Variants in CRPPA observed in about 807,000 individuals in gnomAD.
CRPPA encodes the protein CDP-L-ribitol pyrophosphorylase A.
A neutral mutation model predicts 52.0 loss-of-function variants in CRPPA; 43 were observed. The ratio of observed to expected loss-of-function variants is 0.83; its 90% CI spans 0.65 to 1.07. The LOEUF is 1.07. Ranked by LOEUF, CRPPA falls within the 50% of genes least tolerant of loss-of-function variation. The pLI, the probability that CRPPA is intolerant of heterozygous loss-of-function variation, is 0.00. For missense variants in CRPPA, 629 were observed against 551.7 expected, an observed-to-expected ratio of 1.14 and a Z score of -1.40; for synonymous variants, 250 against 203.5, an observed-to-expected ratio of 1.23 and a Z score of -1.94.
intron 3 of CRPPA, among the ~76,000 whole-genome samples, chr7:16,338,277 A>C (rs1361280848): frequency 3.3e-5 from 5 of 152,264 alleles, no homozygotes; most frequent in African/African-American, 7.2e-5. Context: ...CATTAACAAA[A>C]TGAAGGATAA....
At chr7:16,129,917 AC>A (rs1255622971) in intron 9 of CRPPA, among the ~76,000 whole-genome samples, 1 of 152,174 alleles carries the variant, frequency 6.6e-6, no homozygotes, top group East Asian at 1.9e-4. Flanking sequence ...TGACACATAA[AC>A]ATTCCAACTC....
chr7:16,388,680 G>C (rs1319924731), intron 2 of CRPPA, among the ~76,000 whole-genome samples: 1 of 152,130 alleles, frequency 6.6e-6, no homozygotes, highest in Non-Finnish European at 1.5e-5. Context: ...TTTGAGACCA[G>C]CCTGGCCAAC....
At chr7:16,146,933 A>G (rs529046433) in intron 9 of CRPPA, among the ~76,000 whole-genome samples, 1 of 152,348 alleles carries the variant, frequency 6.6e-6, no homozygotes, top group South Asian at 2.1e-4. Context: ...CTTTAAGTGT[A>G]AAGAGATTAA....
At chr7:16,245,029 T>A (rs1783231221) in intron 8 of CRPPA, among the ~76,000 whole-genome samples, 2 of 151,772 alleles carry the variant, frequency 1.3e-5, no homozygotes, top group South Asian at 4.2e-4. Context: ...TAAAGTTTTT[T>A]AACAAAAGTC....
intron 4 of CRPPA, among the ~76,000 whole-genome samples, chr7:16,307,350 T>C (rs1371042076): frequency 6.6e-6 from 1 of 152,096 alleles, no homozygotes; most frequent in Non-Finnish European, 1.5e-5. Context: ...AGTATGATAG[T>C]GCCATTATCT....
intron 6 of CRPPA, among the ~76,000 whole-genome samples, chr7:16,263,349 C>T (rs6968497): frequency 0.035 from 5,370 of 152,210 alleles, 335 homozygotes; most frequent in African/African-American, 0.12. Context: ...TGGGCTCATT[C>T]ATACCTATGA....
intron 9 of CRPPA, among the ~76,000 whole-genome samples, chr7:16,203,719 C>T (rs561564209): frequency 6.6e-6 from 1 of 152,128 alleles, no homozygotes; most frequent in African/African-American, 2.4e-5. Flanking sequence ...ATTTTTAAAC[C>T]ACTCTGTGTT....
rs191814832 is a variant in CRPPA at position 16,299,307 on chromosome 7, G to A, written c.835+2114C>T. Among the ~76,000 whole-genome samples the A allele has an allele frequency of 7.4e-3, 1,134 of 152,232 alleles. 3 individuals are homozygous for A. Among genetic ancestry groups the A allele is most frequent in the Non-Finnish European group, 0.012 (813 of 68,002 alleles). The stretch of plus-strand genomic sequence containing the variant: ...GGGGTAATCTCAGGTGAGCAAACAA[G>A]CATTTGCAGCTGGGAGAGCATCGTA... On this transcript the variant is annotated intron_variant, in intron 5 of 9. Coordinates refer to ENST00000407010, the MANE Select transcript of CRPPA (RefSeq NM_001101426.4).
At chr7:16,137,121 C>A (rs926583607) in intron 9 of CRPPA, among the ~76,000 whole-genome samples, 2 of 152,232 alleles carry the variant, frequency 1.3e-5, no homozygotes, top group Non-Finnish European at 2.9e-5. Flanking sequence ...CCCCCAGAGG[C>A]AGGACCTTTG....
At chr7:16,116,686 G>GGGAAGGGAAGGGAAAGGAAAC in intron 9 of CRPPA, among the ~76,000 whole-genome samples, 1 of 149,062 alleles carries the variant, frequency 6.7e-6, no homozygotes, top group Non-Finnish European at 1.5e-5. Context: ...GGAAAGGAAA[G>GGGAAGGGAAGGGAAAGGAAAC]GGAAGGGAAA....
At chr7:16,279,109 A>C (rs1290740049) in intron 5 of CRPPA, among the ~76,000 whole-genome samples, 1 of 152,208 alleles carries the variant, frequency 6.6e-6, no homozygotes, top group Non-Finnish European at 1.5e-5. Flanking sequence ...TATCATGGAT[A>C]AAGAAAACAA....
intron 9 of CRPPA, among the ~76,000 whole-genome samples, chr7:16,183,460 C>G (rs904011191): frequency 7.2e-5 from 11 of 152,168 alleles, no homozygotes; most frequent in Admixed American, 7.2e-4. Flanking sequence ...GAGAACTTGC[C>G]TTATGGACTG....
intron 1 of CRPPA, among the ~76,000 whole-genome samples, chr7:16,419,541 T>G (rs1788277926): frequency 6.6e-6 from 1 of 152,208 alleles, no homozygotes; most frequent in Non-Finnish European, 1.5e-5. Flanking sequence ...TCATGCATCC[T>G]CTGGCTGCAA....
intron 9 of CRPPA, among the ~76,000 whole-genome samples, chr7:16,116,564 C>T (rs1370764231): frequency 1.3e-5 from 2 of 150,272 alleles, no homozygotes; most frequent in Admixed American, 1.3e-4. Context: ...ACTTGGGAAG[C>T]TGAGGCAGAA....
At chr7:16,129,530 T>G (rs779168130) in intron 9 of CRPPA, among the ~76,000 whole-genome samples, 9 of 152,090 alleles carry the variant, frequency 5.9e-5, no homozygotes, top group Non-Finnish European at 1.2e-4. Context: ...GTGTTAGTGA[T>G]TCTCTTCTTG....
At chr7:16,321,677 A>G (rs1785268327) in intron 3 of CRPPA, among the ~76,000 whole-genome samples, 1 of 152,186 alleles carries the variant, frequency 6.6e-6, no homozygotes, top group South Asian at 2.1e-4. Flanking sequence ...GATGTAGCAG[A>G]AAGAGTAGGT....
intron 2 of CRPPA, among the ~76,000 whole-genome samples, chr7:16,383,306 G>A (rs1366468064): frequency 2.6e-5 from 4 of 152,280 alleles, no homozygotes; most frequent in Non-Finnish European, 2.9e-5. Context: ...GCAGAACAGC[G>A]GATTTTCATG....
chr7:16,271,817 T>C (rs1421781674), intron 6 of CRPPA, among the ~76,000 whole-genome samples: 1 of 152,214 alleles, frequency 6.6e-6, no homozygotes, highest in Non-Finnish European at 1.5e-5. Context: ...ATTTACTTTT[T>C]ATCCCCAACT....
At chr7:16,401,069 T>G (rs1165574718) in intron 2 of CRPPA, among the ~76,000 whole-genome samples, 3 of 152,180 alleles carry the variant, frequency 2.0e-5, no homozygotes, top group African/African-American at 4.8e-5. Context: ...GGCCACCTGC[T>G]TGAACTCAAT....
Sources: allele counts gnomAD v4.1 joint callset (sites outside exome capture counted in the v4.1 genomes callset), GRCh38; gene constraint gnomAD v4.1.1; transcripts MANE v1.5; gene names NCBI Gene and HGNC (gene_info 2026-07-23, HGNC 2026-07-21).